Variants in SEZ6L observed in about 807,000 individuals in gnomAD.
The protein encoded by SEZ6L is seizure 6-like protein.
In SEZ6L, 37 loss-of-function variants were observed where a neutral mutation model predicts 106.2. That is an observed-to-expected ratio of 0.35 (90% CI 0.27 to 0.46). The LOEUF (loss-of-function observed/expected upper bound fraction) is 0.46. SEZ6L is among the 20% of genes least tolerant of loss of function. The probability of loss-of-function intolerance (pLI) is 1.00; values close to 1 mark genes in which losing one functional copy is unlikely to be tolerated. For missense variants in SEZ6L, 1,172 were observed against 1,332.8 expected (o/e 0.88, Z 1.88); for synonymous variants, 541 against 570.4 (o/e 0.95, Z 0.73).
At chr22:26,217,888 A>G (rs1461807527) in intron 1 of SEZ6L, among the ~76,000 whole-genome samples, 1 of 152,212 alleles carries the variant, frequency 6.6e-6, no homozygotes. Context: ...GTTGAATTGA[A>G]TTCTGAACGT....
chr22:26,373,504 A>AT (rs1568957042), intron 14 of SEZ6L, 21 bp downstream of exon 14: 7 of 1,587,732 alleles, frequency 4.4e-6, no homozygotes, highest in East Asian at 2.2e-5. Flanking sequence ...GAACGAAAAA[A>AT]AAAAAAGTTC....
chr22:26,292,591 C>G lies in SEZ6L; in HGVS notation c.280C>G (p.His94Asp), dbSNP rs2081165943. The change falls in exon 2 of 17, where the codon CAC (histidine) becomes GAC (aspartate). Residue 94 changes from histidine (H) to aspartate (D), a missense_variant. This residue lies in a region of SEZ6L where 494 missense variants were observed against 445.8 expected (regional missense o/e 1.11). Transcript: ENST00000248933. Reference protein sequence around the residue: ...VLDGTAPSAHHDIPALSPLLP... With the variant: ...VLDGTAPSAHDDIPALSPLLP... Reference sequence around the variant, plus strand: ...GGATGGGACCGCACCCTCTGCACATCACGACATCCCAGCCCTGTCACCGCT... The same window carrying G: ...GGATGGGACCGCACCCTCTGCACATGACGACATCCCAGCCCTGTCACCGCT... 1.2e-6 allele frequency: 2 copies of G among 1,613,682 alleles called. No homozygotes were observed. Among genetic ancestry groups the G allele is most frequent in the Non-Finnish European group, 1.7e-6 (2 of 1,179,858 alleles).
intron 1 of SEZ6L, among the ~76,000 whole-genome samples, chr22:26,249,799 T>C (rs2079506644): frequency 6.6e-6 from 1 of 152,168 alleles, no homozygotes; most frequent in Non-Finnish European, 1.5e-5. Context: ...CCACCAACTG[T>C]GTATAAGAGT....
intron 1 of SEZ6L, among the ~76,000 whole-genome samples, chr22:26,240,096 A>ACT (rs1174638951): frequency 3.1e-4 from 45 of 147,452 alleles, no homozygotes; most frequent in African/African-American, 7.0e-4. Flanking sequence ...ACACACTCAC[A>ACT]CACACACACA....
chr22:26,250,060 A>G (rs918904164), intron 1 of SEZ6L, among the ~76,000 whole-genome samples: 1 of 152,132 alleles, frequency 6.6e-6, no homozygotes, highest in Admixed American at 6.5e-5. Context: ...TATATTTTGC[A>G]TATTAATCCC....
chr22:26,172,040 G>C (rs1276251301), intron 1 of SEZ6L, among the ~76,000 whole-genome samples: 1 of 152,012 alleles, frequency 6.6e-6, no homozygotes, highest in Non-Finnish European at 1.5e-5. Flanking sequence ...GGGCCATTTC[G>C]CTGTAAGGCA....
At position 26,375,705 on chromosome 22, in the gene SEZ6L, G is replaced by A. The variant is rs1398384962; in HGVS notation, c.2942+16G>A. ...ACATCACAAGGTAGGGAGCTGATGG[G>A]GGAGATGACTGCCAAGCACCCAGCC... On this transcript the variant is annotated intron_variant, in intron 15 of 16. Coordinates refer to ENST00000248933, the MANE Select transcript of SEZ6L (RefSeq NM_021115.5). The A allele has an allele frequency of 6.3e-7, 1 of 1,593,212 alleles. No individual in the cohort carries two copies.
chr22:26,373,353 C>A, intron 13 of SEZ6L, 98 bp from the exon 14 acceptor site: 2 of 1,011,466 alleles, frequency 2.0e-6, no homozygotes, highest in Non-Finnish European at 3.0e-6. Context: ...TTCACCAAAG[C>A]ATGGCATGGG....
At chr22:26,251,944 A>C (rs2079606978) in intron 1 of SEZ6L, among the ~76,000 whole-genome samples, 1 of 152,080 alleles carries the variant, frequency 6.6e-6, no homozygotes, top group South Asian at 2.1e-4. Flanking sequence ...TGGAATCCTG[A>C]GATCACCCCC....
At chr22:26,173,306 T>A (rs985557518) in intron 1 of SEZ6L, among the ~76,000 whole-genome samples, 5 of 152,092 alleles carry the variant, frequency 3.3e-5, no homozygotes, top group Admixed American at 6.5e-5. Context: ...GAAGCAGATG[T>A]TGGTGTAAAT....
chr22:26,369,498 A>G (rs1045178449), intron 13 of SEZ6L, among the ~76,000 whole-genome samples: 2 of 150,346 alleles, frequency 1.3e-5, no homozygotes, highest in Non-Finnish European at 3.0e-5. Flanking sequence ...CCGCCACCAC[A>G]CCCGGCTAAT....
intron 1 of SEZ6L, among the ~76,000 whole-genome samples, chr22:26,265,387 A>T (rs1389859808): frequency 2.0e-5 from 3 of 152,194 alleles, no homozygotes; most frequent in Non-Finnish European, 4.4e-5. Flanking sequence ...GCTTCCATCA[A>T]ATTAGGCCAA....
intron 9 of SEZ6L, among the ~76,000 whole-genome samples, chr22:26,322,535 T>C (rs1311915312): frequency 6.6e-6 from 1 of 152,210 alleles, no homozygotes; most frequent in East Asian, 1.9e-4. Flanking sequence ...CCGTGAATTA[T>C]GGAAATATCC....
intron 1 of SEZ6L, among the ~76,000 whole-genome samples, chr22:26,255,810 G>A (rs1012243954): frequency 1.3e-5 from 2 of 152,208 alleles, no homozygotes; most frequent in Non-Finnish European, 2.9e-5. Flanking sequence ...TAGTCACTGG[G>A]AATCCAATAA....
intron 9 of SEZ6L, among the ~76,000 whole-genome samples, chr22:26,334,683 G>A (rs955905421): frequency 7.2e-5 from 11 of 152,184 alleles, no homozygotes; most frequent in African/African-American, 2.2e-4. Flanking sequence ...GATAGCCTGC[G>A]ACAGTGACCA....
At chr22:26,349,677 AT>A (rs1190035446) in intron 11 of SEZ6L, among the ~76,000 whole-genome samples, 2 of 152,210 alleles carry the variant, frequency 1.3e-5, no homozygotes, top group Admixed American at 1.3e-4. Flanking sequence ...ATTTTTAAAA[AT>A]TTTTTGTAGA....
At chr22:26,344,034 G>C (rs1484306912) in intron 10 of SEZ6L, among the ~76,000 whole-genome samples, 1 of 152,130 alleles carries the variant, frequency 6.6e-6, no homozygotes, top group Non-Finnish European at 1.5e-5. Flanking sequence ...ACCATACATG[G>C]GAGTTACACA....
At chr22:26,272,896 T>C (rs1456395714) in intron 1 of SEZ6L, among the ~76,000 whole-genome samples, 1 of 152,216 alleles carries the variant, frequency 6.6e-6, no homozygotes, top group Non-Finnish European at 1.5e-5. Flanking sequence ...TGGGTATGTG[T>C]ACTTCCATCT....
chr22:26,242,597 A>G (rs538881971), intron 1 of SEZ6L, among the ~76,000 whole-genome samples: 1 of 152,336 alleles, frequency 6.6e-6, no homozygotes, highest in East Asian at 1.9e-4. Context: ...AAAGCAATGT[A>G]AAAAAGAACA....
Sources: gnomAD v4.1 joint callset for allele counts (sites outside exome capture counted in the v4.1 genomes callset) on GRCh38, gnomAD v4.1.1 for gene constraint, gnomAD v4.1.1 regional missense constraint, MANE v1.5 for transcripts, NCBI Gene and HGNC (gene_info 2026-07-23, HGNC 2026-07-21) for gene names.